Variants in BCR observed in about 807,000 individuals in gnomAD.
The protein encoded by BCR is breakpoint cluster region protein.
BCR carries 58 observed loss-of-function variants against 138.6 expected under a neutral mutation model. The ratio of observed to expected loss-of-function variants is 0.42; its 90% confidence interval spans 0.34 to 0.52. BCR has a LOEUF of 0.52. Among genes scored for constraint, BCR ranks in the 20% least tolerant of loss-of-function variants. The pLI is 0.06. For missense variants in BCR, 1,599 were observed against 1,727.2 expected (o/e 0.93, Z 1.32); for synonymous variants, 786 against 730.1 (o/e 1.08, Z -1.23).
chr22:23,264,502 A>C (rs2073414273), intron 4 of BCR: 3 of 560,980 alleles, frequency 5.3e-6, no homozygotes, highest in Non-Finnish European at 6.4e-6. Flanking sequence ...ACCTTGCAGT[A>C]GAGGCTTCTG....
At chr22:23,247,745 C>T (rs1050992838) in intron 1 of BCR, among the ~76,000 whole-genome samples, 1 of 152,198 alleles carries the variant, frequency 6.6e-6, no homozygotes, top group Non-Finnish European at 1.5e-5. Flanking sequence ...TCCTGGGAGC[C>T]CACCGTTCCA....
intron 1 of BCR, among the ~76,000 whole-genome samples, chr22:23,194,393 T>A (rs908766806): frequency 3.6e-5 from 5 of 139,932 alleles, no homozygotes; most frequent in Non-Finnish European, 8.3e-5. Flanking sequence ...GGGTCTCCAT[T>A]TTTTTTTTCT....
chr22:23,240,881 C>A (rs2073082309), intron 1 of BCR, among the ~76,000 whole-genome samples: 1 of 152,144 alleles, frequency 6.6e-6, no homozygotes, highest in Admixed American at 6.5e-5. Context: ...TACTTTCTGT[C>A]TCTATGAATT....
intron 1 of BCR, among the ~76,000 whole-genome samples, chr22:23,190,241 C>T (rs1047136627): frequency 1.3e-5 from 2 of 152,284 alleles, no homozygotes; most frequent in South Asian, 2.1e-4. Flanking sequence ...AGTCTCAGCT[C>T]ACTGCAACCT....
At chr22:23,290,290 C>T (rs748537778) in intron 13 of BCR, 49 bp from the exon 14 acceptor site, 1 of 1,565,406 alleles carries the variant, frequency 6.4e-7, no homozygotes, top group South Asian at 1.1e-5. Flanking sequence ...TGTCACCTGC[C>T]TCCCTTTCCC....
chr22:23,291,339 G>A (rs979305139), intron 14 of BCR, among the ~76,000 whole-genome samples: 1 of 151,980 alleles, frequency 6.6e-6, no homozygotes, highest in African/African-American at 2.4e-5. Context: ...TTAGGTGAGA[G>A]CAGTGTCGTG....
intron 1 of BCR, among the ~76,000 whole-genome samples, chr22:23,197,093 G>T (rs891903116): frequency 1.3e-5 from 2 of 152,190 alleles, no homozygotes; most frequent in African/African-American, 4.8e-5. Flanking sequence ...CGACATTTTG[G>T]TTATTGATGG....
intron 1 of BCR, among the ~76,000 whole-genome samples, chr22:23,211,817 C>G (rs7291888): frequency 8.5e-5 from 13 of 152,074 alleles, no homozygotes; most frequent in African/African-American, 3.1e-4. Flanking sequence ...TCCTATCTTC[C>G]AGGCCACATC....
Position 23,282,752 on chromosome 22 carries a change from C to G in BCR, c.2116-1225C>G, listed in dbSNP as rs5996511. ...CGGGGAGACACTGGGTTTTCACACT[C>G]TCTGTTGTATGTGCCTCCCCTGCCA... On this transcript the variant is annotated intron_variant, in intron 8 of 22. Coordinates refer to ENST00000305877, the MANE Select transcript of BCR (RefSeq NM_004327.4). Among the ~76,000 whole-genome samples the G allele has an allele frequency of 4.4e-3, 672 of 152,340 alleles. 7 individuals carry two copies. Among genetic ancestry groups the G allele is most frequent in the African/African-American group, 0.014 (565 of 41,586 alleles).
Position 23,181,066 on chromosome 22 carries a change from G to A in BCR, c.106G>A (p.Glu36Lys). Residue 36 changes from glutamate (E) to lysine (K), a missense_variant, in exon 1 of 23, where the codon GAG becomes AAG. This residue lies in a region of BCR where 806 missense variants were observed against 635.0 expected (regional missense o/e 1.27). Coordinates refer to ENST00000305877, the MANE Select transcript of BCR (RefSeq NM_004327.4). ...AGTGGGCGACATCGAGCAGGAGCTGGAGCGCTGCAAGGCCTCCATTCGGCG... is the reference window on the plus strand; with the variant it reads ...AGTGGGCGACATCGAGCAGGAGCTGAAGCGCTGCAAGGCCTCCATTCGGCG... The part of the protein sequence containing the change: ...RSVGDIEQEL[E>K]RCKASIRRLE... 3.9e-6 allele frequency: 6 copies of A among 1,523,088 alleles called. No individual in the cohort carries two copies. The highest frequency in any genetic ancestry group is 4.4e-6 in the Non-Finnish European group (5 of 1,130,392). The allele number at this position is 1,523,088 out of a possible 1,614,324, so 94.3% of individuals were successfully genotyped here.
intron 1 of BCR, among the ~76,000 whole-genome samples, chr22:23,249,545 C>T (rs1040819802): frequency 5.3e-5 from 8 of 152,106 alleles, no homozygotes; most frequent in African/African-American, 1.9e-4. Context: ...TGTGATCACT[C>T]CACTGCACTT....
At chr22:23,295,368 C>T (rs547114947) in intron 16 of BCR, among the ~76,000 whole-genome samples, 61 of 152,252 alleles carry the variant, frequency 4.0e-4, no homozygotes, top group Non-Finnish European at 3.1e-4. Flanking sequence ...GTGTCTGTTG[C>T]GTCGGCTCAT....
chr22:23,285,109 G>A lies in BCR; in HGVS notation c.2314G>A (p.Ala772Thr), dbSNP rs2073696284. 6.2e-7 allele frequency: 1 copy of A among 1,614,092 alleles called. No homozygotes were observed. The highest frequency in any genetic ancestry group is 1.7e-5 in the Admixed American group (1 of 60,022). The change falls in exon 10 of 23, where the codon GCA becomes ACA. Residue 772 changes from alanine (A) to threonine (T), a missense_variant. This residue lies in a region of BCR where 590 missense variants were observed against 762.4 expected (regional missense o/e 0.77). Transcript: ENST00000305877. ...CTTCCAGATGGTGGATGAACTGGAG[G>A]CAGTGCCCAACATCCCCCTGGTGCC... ...LSFQMVDELEAVPNIPLVPDE... is the reference protein window; with the variant it reads ...LSFQMVDELETVPNIPLVPDE...
intron 8 of BCR, among the ~76,000 whole-genome samples, chr22:23,276,611 A>G (rs2073579480): frequency 6.6e-6 from 1 of 152,148 alleles, no homozygotes; most frequent in Admixed American, 6.5e-5. Context: ...AGAGCTTTCT[A>G]TCCGAGGCAC....
At chr22:23,238,113 C>G (rs553931853) in intron 1 of BCR, among the ~76,000 whole-genome samples, 2 of 152,034 alleles carry the variant, frequency 1.3e-5, no homozygotes, top group Admixed American at 6.5e-5. Context: ...AGAGATGAAA[C>G]GAGGAGTTTC....
At chr22:23,274,169 CCT>C (rs2073543859) in intron 8 of BCR, among the ~76,000 whole-genome samples, 2 of 152,168 alleles carry the variant, frequency 1.3e-5, no homozygotes, top group South Asian at 2.1e-4. Context: ...CCTACTTCCC[CCT>C]GAGTGCTTTC....
intron 1 of BCR, among the ~76,000 whole-genome samples, chr22:23,231,548 T>TAAAATAAAAA (rs148906561): frequency 7.3e-6 from 1 of 137,758 alleles, no homozygotes; most frequent in African/African-American, 2.7e-5. Context: ...TAAAATAAAA[T>TAAAATAAAAA]AAATAAAATA....
intron 6 of BCR, 82 bp from the exon 7 acceptor site, chr22:23,272,999 C>T: frequency 1.3e-6 from 2 of 1,490,366 alleles, no homozygotes; most frequent in Admixed American, 3.4e-5. Flanking sequence ...CCCCTCCCCA[C>T]TCACCCTTGC....
chr22:23,184,819 C>T (rs1403856847), intron 1 of BCR, among the ~76,000 whole-genome samples: 2 of 152,136 alleles, frequency 1.3e-5, no homozygotes, highest in Non-Finnish European at 2.9e-5. Context: ...GAGGAATCCT[C>T]ACTGGCTCAG....
Sources: gnomAD v4.1 joint callset for allele counts (sites outside exome capture counted in the v4.1 genomes callset) on GRCh38, gnomAD v4.1.1 for gene constraint, gnomAD v4.1.1 regional missense constraint, MANE v1.5 for transcripts, NCBI Gene and HGNC (gene_info 2026-07-23, HGNC 2026-07-21) for gene names.